The following ADARB2 variants were observed in gnomAD, a reference collection of about 807,000 sequenced individuals.
ADARB2 encodes inactive double-stranded RNA-specific editase B2.
ADARB2 carries 25 observed loss-of-function variants against 62.2 expected under a neutral mutation model. The observed-to-expected ratio is 0.40, with a 90% CI of 0.29 to 0.56. The LOEUF (loss-of-function observed/expected upper bound fraction) is 0.56, where lower values mean the gene tolerates loss of function less well. Among genes scored for constraint, ADARB2 ranks in the 20% least tolerant of loss-of-function variants. ADARB2 has a pLI of 0.43. For missense variants in ADARB2, 1,071 were observed against 1,077.4 expected (o/e 0.99, Z 0.08); for synonymous variants, 572 against 500.8 (o/e 1.14, Z -1.90).
rs745734199 is a variant in ADARB2 at position 1,608,524 on chromosome 10, G to T, written c.100+128527C>A. Among the ~76,000 whole-genome samples, 149 of 149,516 alleles carry T rather than the reference G, an allele frequency of 1.0e-3. 1 individual carries two copies. Among genetic ancestry groups the T allele is most frequent in the Non-Finnish European group, 1.8e-4 (12 of 67,576 alleles). On this transcript the variant is annotated intron_variant, in intron 1 of 9. Transcript: ENST00000381312. ...AAGAAGGGAGAAAGAGAAGGAAGGA[G>T]AATGGAGGAAGGAAAGTGGGAAGGA... is the stretch of plus-strand genomic sequence containing the variant.
chr10:1,568,987 G>C (rs1172073924), intron 1 of ADARB2, among the ~76,000 whole-genome samples: 1 of 152,106 alleles, frequency 6.6e-6, no homozygotes, highest in African/African-American at 2.4e-5. Context: ...CCATTAGAAG[G>C]CGAGGCGAGA....
chr10:1,527,191 C>T (rs1477275036), intron 1 of ADARB2, among the ~76,000 whole-genome samples: 1 of 152,234 alleles, frequency 6.6e-6, no homozygotes, highest in Non-Finnish European at 1.5e-5. Context: ...AACTACAGTG[C>T]TCGCCACAGA....
chr10:1,627,066 G>A (rs1315328718), intron 1 of ADARB2, among the ~76,000 whole-genome samples: 1 of 151,978 alleles, frequency 6.6e-6, no homozygotes, highest in South Asian at 2.1e-4. Flanking sequence ...TGGCCTGGAC[G>A]CCTCTCCCTC....
intron 1 of ADARB2, among the ~76,000 whole-genome samples, chr10:1,432,110 G>C (rs113399116): frequency 1.8e-3 from 273 of 152,164 alleles, no homozygotes; most frequent in African/African-American, 5.7e-3. Flanking sequence ...CACTCTCCCA[G>C]AATCCTATAA....
intron 1 of ADARB2, among the ~76,000 whole-genome samples, chr10:1,424,288 G>C (rs114748014): frequency 2.5e-4 from 38 of 152,290 alleles, no homozygotes; most frequent in African/African-American, 8.9e-4. Context: ...AGTAAGAAGC[G>C]TTTAGGGCTA....
At chr10:1,351,172 A>G (rs1832133677) in intron 3 of ADARB2, among the ~76,000 whole-genome samples, 1 of 152,180 alleles carries the variant, frequency 6.6e-6, no homozygotes, top group Non-Finnish European at 1.5e-5. Context: ...CTCTGGCCCA[A>G]GGCTCTCTGA....
intron 2 of ADARB2, among the ~76,000 whole-genome samples, chr10:1,372,962 G>A (rs1832386041): frequency 6.6e-6 from 1 of 152,088 alleles, no homozygotes; most frequent in Non-Finnish European, 1.5e-5. Context: ...TACAAGGAGA[G>A]CTACAAAACA....
intron 6 of ADARB2, 98 bp from the exon 7 acceptor site, chr10:1,217,217 C>G (rs1347085958): frequency 8.1e-7 from 1 of 1,231,976 alleles, no homozygotes; most frequent in African/African-American, 1.5e-5. Flanking sequence ...GTCAAAGGGC[C>G]CCTCACCATG....
At chr10:1,327,085 T>TCCCCACGGCCCAGCA (rs1831865276) in intron 3 of ADARB2, among the ~76,000 whole-genome samples, 1 of 92,970 alleles carries the variant, frequency 1.1e-5, no homozygotes, top group African/African-American at 4.6e-5. Context: ...GCACAGCGCC[T>TCCCCACGGCCCAGCA]CCTCACTGCA....
intron 6 of ADARB2, among the ~76,000 whole-genome samples, chr10:1,230,768 G>A (rs1830797211): frequency 6.6e-6 from 1 of 152,126 alleles, no homozygotes; most frequent in South Asian, 2.1e-4. Context: ...CCTTCTCCAC[G>A]CTCTCCAGAT....
At chr10:1,407,923 T>C (rs1832720750) in intron 1 of ADARB2, among the ~76,000 whole-genome samples, 1 of 152,222 alleles carries the variant, frequency 6.6e-6, no homozygotes, top group Non-Finnish European at 1.5e-5. Flanking sequence ...GCCAATGCTT[T>C]CTTTGACTCT....
At chr10:1,298,478 A>G (rs941933980) in intron 3 of ADARB2, among the ~76,000 whole-genome samples, 2 of 152,140 alleles carry the variant, frequency 1.3e-5, no homozygotes, top group African/African-American at 2.4e-5. Flanking sequence ...TTGAGATGCT[A>G]TTGCGCTTAA....
chr10:1,262,596 AG>A (rs1277790691), intron 4 of ADARB2, among the ~76,000 whole-genome samples: 4 of 152,326 alleles, frequency 2.6e-5, no homozygotes, highest in Non-Finnish European at 5.9e-5. Flanking sequence ...ATCTCACACC[AG>A]TTAGAATGGT....
At chr10:1,660,970 T>A (rs2031780209) in intron 1 of ADARB2, among the ~76,000 whole-genome samples, 1 of 151,904 alleles carries the variant, frequency 6.6e-6, no homozygotes, top group Admixed American at 6.6e-5. Flanking sequence ...AAACCCCCCC[T>A]CTGACCAGAA....
At chr10:1,446,953 C>T (rs76701126) in intron 1 of ADARB2, among the ~76,000 whole-genome samples, 51 of 152,182 alleles carry the variant, frequency 3.4e-4, no homozygotes, top group East Asian at 2.9e-3. Flanking sequence ...TGAATTATAG[C>T]GCTTGGGTTC....
intron 1 of ADARB2, among the ~76,000 whole-genome samples, chr10:1,596,994 A>G (rs1564342373): frequency 6.6e-6 from 1 of 152,118 alleles, no homozygotes; most frequent in Non-Finnish European, 1.5e-5. Flanking sequence ...TGTTAAAGGG[A>G]AAGTGAGCCT....
intron 3 of ADARB2, 58 bp from the exon 4 acceptor site, chr10:1,271,127 T>TG (rs1831257981): frequency 3.6e-6 from 5 of 1,398,076 alleles, no homozygotes; most frequent in Non-Finnish European, 5.0e-6. Context: ...TGGAGGATGA[T>TG]GGGGCACTGT....
At chr10:1,445,285 CCCAT>C (rs1304599836) in intron 1 of ADARB2, among the ~76,000 whole-genome samples, 5 of 150,806 alleles carry the variant, frequency 3.3e-5, no homozygotes, top group Admixed American at 2.6e-4. Context: ...CACCCACCCA[CCCAT>C]CTATTCATTC....
intron 5 of ADARB2, among the ~76,000 whole-genome samples, chr10:1,235,179 G>A (rs76767326): frequency 1.3e-5 from 2 of 149,590 alleles, no homozygotes; most frequent in East Asian, 2.0e-4. Context: ...TGGGTTTGAC[G>A]TAGCCTGAGT....
Sources: gnomAD v4.1 joint callset for allele counts (sites outside exome capture counted in the v4.1 genomes callset) on GRCh38, gnomAD v4.1.1 for gene constraint, MANE v1.5 for transcripts, NCBI Gene and HGNC (gene_info 2026-07-23, HGNC 2026-07-21) for gene names.